KIF17: variants seen among roughly 807,000 people sequenced by gnomAD.
KIF17 encodes the protein kinesin family member 17.
A neutral mutation model predicts 96.8 loss-of-function variants in KIF17; 80 were observed. That is an observed-to-expected ratio of 0.83 (90% confidence interval 0.69 to 1.00). KIF17 has a LOEUF of 1.00. KIF17 is among the 50% of genes least tolerant of loss of function. The pLI, the probability that KIF17 is intolerant of heterozygous loss-of-function variation, is 0.00. For synonymous variants in KIF17, 567 were observed against 587.5 expected (o/e 0.97, Z 0.51); for missense variants, 1,280 against 1,372.9 (o/e 0.93, Z 1.07).
chr1:20,689,163 A>T (rs1489591009), intron 7 of KIF17, among the ~76,000 whole-genome samples: 1 of 152,168 alleles, frequency 6.6e-6, no homozygotes, highest in Admixed American at 6.5e-5. Flanking sequence ...GAGGAGGTGC[A>T]GGTAAAGCAC....
At chr1:20,686,230 C>T (rs2053936645) in intron 8 of KIF17, 104 bp from the exon 9 acceptor site, 1 of 912,978 alleles carries the variant, frequency 1.1e-6, no homozygotes, top group African/African-American at 1.7e-5. Flanking sequence ...AGGCCTCCCA[C>T]CACCCCCCAA....
intron 12 of KIF17, among the ~76,000 whole-genome samples, chr1:20,671,051 G>A (rs2053639592): frequency 6.6e-6 from 1 of 152,184 alleles, no homozygotes; most frequent in Non-Finnish European, 1.5e-5. Flanking sequence ...AGGCCATACG[G>A]GAGGTCAGCA....
rs912829749 is a variant in KIF17 at position 20,666,318 on chromosome 1, T to A, written c.2804A>T (p.Tyr935Phe). 1.2e-6 allele frequency: 2 copies of A among 1,613,712 alleles called. No homozygotes were observed. The highest frequency in any genetic ancestry group is 2.7e-5 in the African/African-American group (2 of 74,946). ...NGEPNMEDDR[Y>F]RLMLSRSNSE... ...GTTGCTCCGACTGAGCATGAGCCTG[T>A]AGCGGTCGTCCTCCTGCCGAGATGC... is the stretch of plus-strand genomic sequence containing the variant. Residue 935 changes from tyrosine to phenylalanine, a missense_variant, in exon 14 of 15, where the codon TAC (tyrosine) becomes TTC (phenylalanine). Transcript: ENST00000400463.
chr1:20,663,092 T>C (rs1387601239), downstream of KIF17, among the ~76,000 whole-genome samples: 1 of 152,016 alleles, frequency 6.6e-6, no homozygotes, highest in Non-Finnish European at 1.5e-5. Flanking sequence ...GGCGTGGTGG[T>C]GGGCGCCTGT....
Position 20,672,463 on chromosome 1 carries a change from C to G in KIF17, c.2464-267G>C, listed in dbSNP as rs1395552484. Among the ~76,000 whole-genome samples the G allele has an allele frequency of 6.6e-6, 1 of 152,188 alleles. No individual in the cohort carries two copies. The highest frequency in any genetic ancestry group is 2.4e-5 in the African/African-American group (1 of 41,434). On this transcript the variant is annotated intron_variant, in intron 11 of 14. Transcript: ENST00000400463. The surrounding 1 kb of genome is among the most constrained non-coding windows in gnomAD (Gnocchi z 4.3). ...TTAAATGAGCACCTAATGTGTCCCC[C>G]CAGCCCTGCAAAATGTAGGGGAAAA...
intron 4 of KIF17, among the ~76,000 whole-genome samples, chr1:20,708,647 A>G (rs777522027): frequency 2.6e-5 from 4 of 152,164 alleles, no homozygotes; most frequent in African/African-American, 4.8e-5. Flanking sequence ...AGCTCCACCA[A>G]TTAGCGGCGG....
chr1:20,684,669 C>G, intron 10 of KIF17, 140 bp downstream of exon 10: 6 of 822,850 alleles, frequency 7.3e-6, no homozygotes, highest in Non-Finnish European at 9.7e-6. Context: ...CCCACTGCGC[C>G]TGGAGAGAGG....
intron 11 of KIF17, among the ~76,000 whole-genome samples, chr1:20,679,943 A>G (rs117856909): frequency 1.3e-5 from 2 of 151,960 alleles, no homozygotes; most frequent in East Asian, 1.9e-4. Context: ...AAGTAAATTT[A>G]TAGTAATTTG....
chr1:20,691,862 T>C (rs1319628720), intron 6 of KIF17, among the ~76,000 whole-genome samples: 2 of 152,246 alleles, frequency 1.3e-5, no homozygotes, highest in Non-Finnish European at 2.9e-5. Context: ...CCTTTCCATG[T>C]TGGCAAATAC....
chr1:20,696,381 A>C (rs1316987206), intron 6 of KIF17, among the ~76,000 whole-genome samples: 5 of 152,180 alleles, frequency 3.3e-5, no homozygotes, highest in South Asian at 2.1e-4. Flanking sequence ...GGGCACAGAC[A>C]TCTTCAACGC....
chr1:20,682,893 G>A lies in KIF17; in HGVS notation c.2232-9C>T, dbSNP rs781316871. 9 of 1,606,534 alleles carry A rather than the reference G, an allele frequency of 5.6e-6. No homozygotes were observed. Among genetic ancestry groups the A allele is most frequent in the South Asian group, 2.2e-5 (2 of 91,060 alleles). ...GCTCCAACAGCTGCAGACTGCCGGC[G>A]TGGAGGAGAAAGCAAACAAGACAAT... is the stretch of plus-strand genomic sequence containing the variant. On this transcript the variant is annotated splice_polypyrimidine_tract_variant and intron_variant, in intron 10 of 14. Coordinates refer to ENST00000400463, the MANE Select transcript of KIF17 (RefSeq NM_001122819.3).
intron 3 of KIF17, among the ~76,000 whole-genome samples, chr1:20,711,618 C>G (rs1291829496): frequency 2.0e-5 from 3 of 152,146 alleles, no homozygotes; most frequent in African/African-American, 4.8e-5. Context: ...TGGAGAGGCC[C>G]CCTCAGGCCT....
chr1:20,665,747 G>A (rs2053515757), intron 14 of KIF17, among the ~76,000 whole-genome samples: 1 of 152,190 alleles, frequency 6.6e-6, no homozygotes, highest in South Asian at 2.1e-4. Flanking sequence ...TGCGGGCTTT[G>A]CTTTCAGTTT....
At position 20,687,322 on chromosome 1, in the gene KIF17, G is replaced by A; in HGVS notation, c.1938+66C>T. The stretch of plus-strand genomic sequence containing the variant: ...TGTGTGAACAGTGTGTGCACAGTGA[G>A]CTCCGGGCCCTGGGCAAGCTCTGCC... On this transcript the variant is annotated intron_variant, in intron 8 of 14. Coordinates refer to ENST00000400463, the MANE Select transcript of KIF17 (RefSeq NM_001122819.3). The surrounding 1 kb of genome is among the most constrained non-coding windows in gnomAD (Gnocchi z 4.4). 6.5e-7 allele frequency: 1 copy of A among 1,549,756 alleles called. No individual in the cohort carries two copies. The highest frequency in any genetic ancestry group is 1.4e-5 in the African/African-American group (1 of 73,918).
At chr1:20,684,513 G>A (rs1467772453) in intron 10 of KIF17, among the ~76,000 whole-genome samples, 5 of 152,230 alleles carry the variant, frequency 3.3e-5, no homozygotes, top group Non-Finnish European at 5.9e-5. Context: ...GAGGGCACTG[G>A]AGGCCAGGGG....
chr1:20,696,900 A>G (rs1292153288), intron 6 of KIF17, among the ~76,000 whole-genome samples: 1 of 152,164 alleles, frequency 6.6e-6, no homozygotes, highest in Non-Finnish European at 1.5e-5. Flanking sequence ...CCAGAGCTAC[A>G]GGAAGGGACC....
rs1018500962 is a variant in KIF17 at position 20,709,385 on chromosome 1, CAAAT to C, written c.670+250_670+253del. ...CAGGGTGACACTTTGTCTCAAAAAA[CAAAT>C]AAATAAATAAAAATTGTCTGGCACA... On this transcript the variant is annotated intron_variant, in intron 4 of 14. Coordinates refer to ENST00000400463, the MANE Select transcript of KIF17 (RefSeq NM_001122819.3). This position sits in a 1 kb window ranked among gnomAD's most constrained non-coding sequence, Gnocchi z 4.7. 2.6e-5 allele frequency among the ~76,000 whole-genome samples: 4 copies of C among 152,128 alleles called. No homozygotes were observed. Among genetic ancestry groups the C allele is most frequent in the African/African-American group, 4.8e-5 (2 of 41,428 alleles).
chr1:20,666,318 T>C lies in KIF17; in HGVS notation c.2804A>G (p.Tyr935Cys). 6.2e-7 allele frequency: 1 copy of C among 1,613,830 alleles called. No individual in the cohort carries two copies. Among genetic ancestry groups the C allele is most frequent in the Non-Finnish European group, 8.5e-7 (1 of 1,179,650 alleles). ...GTTGCTCCGACTGAGCATGAGCCTG[T>C]AGCGGTCGTCCTCCTGCCGAGATGC... The part of the protein sequence containing the change: ...NGEPNMEDDR[Y>C]RLMLSRSNSE... Residue 935 changes from tyrosine to cysteine, a missense_variant, in exon 14 of 15, where the codon TAC becomes TGC. By Grantham distance (194) the Tyr-to-Cys change is radical (BLOSUM62 -2). Coordinates refer to ENST00000400463, the MANE Select transcript of KIF17 (RefSeq NM_001122819.3).
At chr1:20,691,808 T>C (rs1199053384) in intron 6 of KIF17, among the ~76,000 whole-genome samples, 1 of 152,186 alleles carries the variant, frequency 6.6e-6, no homozygotes. Flanking sequence ...ATATATGCAT[T>C]TGTTTGCAAT....
Sources: allele counts gnomAD v4.1 joint callset (sites outside exome capture counted in the v4.1 genomes callset), GRCh38; gene constraint gnomAD v4.1.1; non-coding constraint Gnocchi (gnomAD v3.1); transcripts MANE v1.5; gene names NCBI Gene and HGNC (gene_info 2026-07-23, HGNC 2026-07-21).